The following ATP10A variants were observed in gnomAD, a reference collection of about 807,000 sequenced individuals.
ATP10A encodes ATPase phospholipid transporting 10A (putative), also known as phospholipid-transporting ATPase VA.
A neutral mutation model predicts 147.8 loss-of-function variants in ATP10A; 111 were observed. The ratio of observed to expected loss-of-function variants is 0.75; its 90% CI spans 0.64 to 0.88. The LOEUF (loss-of-function observed/expected upper bound fraction) is 0.88, where lower values mean the gene tolerates loss of function less well. Ranked by LOEUF, ATP10A falls within the 40% of genes least tolerant of loss-of-function variation. The pLI is 0.00. For missense variants in ATP10A, 1,927 were observed against 1,959.0 expected (o/e 0.98, Z 0.31); for synonymous variants, 875 against 841.6 (o/e 1.04, Z -0.69).
At chr15:25,768,376 A>G (rs1889140458) in intron 2 of ATP10A, among the ~76,000 whole-genome samples, 1 of 152,022 alleles carries the variant, frequency 6.6e-6, no homozygotes, top group Admixed American at 6.6e-5. Context: ...GTGCTTCCTG[A>G]TTCCTTCTAC....
chr15:25,740,527 A>T (rs1596796031), intron 2 of ATP10A, among the ~76,000 whole-genome samples: 2 of 152,336 alleles, frequency 1.3e-5, no homozygotes, highest in East Asian at 3.9e-4. Flanking sequence ...AAGACGTGGA[A>T]AACACACACA....
chr15:25,691,885 C>A, intron 14 of ATP10A, 94 bp from the exon 15 acceptor site: 1 of 1,487,410 alleles, frequency 6.7e-7, no homozygotes, highest in South Asian at 1.1e-5. Flanking sequence ...CCCCGCTGAA[C>A]TCAGTCCTGT....
chr15:25,818,955 C>G (rs1161262146), intron 1 of ATP10A, among the ~76,000 whole-genome samples: 1 of 152,096 alleles, frequency 6.6e-6, no homozygotes, highest in African/African-American at 2.4e-5. Flanking sequence ...AGACTTAACT[C>G]TAAGACCTGA....
chr15:25,841,794 G>A (rs1892824018), intron 1 of ATP10A: 2 of 152,120 alleles, frequency 1.3e-5, no homozygotes, highest in South Asian at 2.1e-4. Flanking sequence ...TTATATGTAA[G>A]TATTTTATTT....
chr15:25,741,911 A>T (rs1306954108), intron 2 of ATP10A, among the ~76,000 whole-genome samples: 1 of 152,242 alleles, frequency 6.6e-6, no homozygotes, highest in East Asian at 1.9e-4. Context: ...CACCGAACGT[A>T]CAAGGAAACT....
chr15:25,843,534 C>T (rs1892900163), intron 1 of ATP10A, among the ~76,000 whole-genome samples: 1 of 152,136 alleles, frequency 6.6e-6, no homozygotes, highest in Non-Finnish European at 1.5e-5. Flanking sequence ...AGGAATTCAT[C>T]ATTTGCATCC....
chr15:25,771,310 C>T (rs766186612), intron 2 of ATP10A, among the ~76,000 whole-genome samples: 5 of 152,150 alleles, frequency 3.3e-5, no homozygotes, highest in African/African-American at 7.2e-5. Context: ...CAGCTCACGC[C>T]TATAATCTCA....
chr15:25,730,914 C>T (rs950871955), intron 3 of ATP10A, among the ~76,000 whole-genome samples: 6 of 152,110 alleles, frequency 3.9e-5, no homozygotes, highest in Admixed American at 2.6e-4. Context: ...GGTGGCAAGG[C>T]GAAATTAAAA....
chr15:25,695,250 G>C (rs1051254220), intron 13 of ATP10A, 104 bp from the exon 14 acceptor site: 1 of 1,125,536 alleles, frequency 8.9e-7, no homozygotes, highest in Non-Finnish European at 1.3e-6. Flanking sequence ...CGGGCTCCAG[G>C]CTGCAGTACC....
At chr15:25,860,162 C>T (rs1893694059) in intron 1 of ATP10A, among the ~76,000 whole-genome samples, 1 of 152,152 alleles carries the variant, frequency 6.6e-6, no homozygotes, top group Admixed American at 6.6e-5. Context: ...ATGCTTCACC[C>T]CAGTGTACCC....
intron 12 of ATP10A, among the ~76,000 whole-genome samples, chr15:25,706,100 T>A (rs1900992343): frequency 6.6e-6 from 1 of 152,156 alleles, no homozygotes; most frequent in African/African-American, 2.4e-5. Context: ...CTTCACACAG[T>A]TGCCCAAGTA....
intron 1 of ATP10A, among the ~76,000 whole-genome samples, chr15:25,797,501 T>C (rs912092775): frequency 3.3e-5 from 5 of 150,344 alleles, no homozygotes; most frequent in Non-Finnish European, 7.4e-5. Context: ...TCTTCCTGAC[T>C]TTCTGCCACA....
At position 25,702,018 on chromosome 15, in the gene ATP10A, C is replaced by A. The variant is rs1456761840; in HGVS notation, c.2658G>T (p.Trp886Cys). 6 of 1,614,200 alleles carry A rather than the reference C, an allele frequency of 3.7e-6. No individual in the cohort carries two copies. In the South Asian group the frequency reaches 6.6e-5, roughly 18 times the overall value. The change falls in exon 13 of 21, where the codon TGG becomes TGT. Residue 886 changes from tryptophan to cysteine, a missense_variant. Coordinates refer to ENST00000555815, the MANE Select transcript of ATP10A (RefSeq NM_024490.4). ...SKLRQAGLQI[W>C]VLTGDKQETA... is the part of the protein sequence containing the mutation. ...TTTCTTGTTTGTCACCAGTGAGAAC[C>A]CAAATCTGCAGGCCCGCTTGACGCA...
intron 1 of ATP10A, among the ~76,000 whole-genome samples, chr15:25,804,434 TG>T (rs1182925182): frequency 7.5e-6 from 1 of 132,754 alleles, no homozygotes; most frequent in African/African-American, 3.5e-5. Context: ...TGTGTATGTG[TG>T]GTGTGTGTGT....
chr15:25,840,930 C>T (rs1892783913), intron 1 of ATP10A, among the ~76,000 whole-genome samples: 2 of 152,150 alleles, frequency 1.3e-5, no homozygotes, highest in Non-Finnish European at 2.9e-5. Flanking sequence ...TGCTTACTTG[C>T]CATCTGCATA....
At chr15:25,858,414 T>C (rs1411760135) in intron 1 of ATP10A, among the ~76,000 whole-genome samples, 1 of 151,910 alleles carries the variant, frequency 6.6e-6, no homozygotes, top group Admixed American at 6.6e-5. Context: ...GAGGCTCACC[T>C]GGAAGGGAAG....
intron 1 of ATP10A, among the ~76,000 whole-genome samples, chr15:25,800,391 T>C (rs1890882090): frequency 6.6e-6 from 1 of 152,144 alleles, no homozygotes; most frequent in Non-Finnish European, 1.5e-5. Flanking sequence ...GATATCCGCC[T>C]GTCCCCTGCT....
At chr15:25,854,946 G>C (rs1390768190) in intron 1 of ATP10A, among the ~76,000 whole-genome samples, 1 of 151,844 alleles carries the variant, frequency 6.6e-6, no homozygotes, top group Non-Finnish European at 1.5e-5. Flanking sequence ...TGTAATCCCA[G>C]CTATTCGGAG....
At position 25,860,151 on chromosome 15, in the gene ATP10A, G is replaced by A. The variant is rs559700951; in HGVS notation, c.449+2497C>T. 2.4e-4 allele frequency among the ~76,000 whole-genome samples: 37 copies of A among 152,238 alleles called. No homozygotes were observed. The East Asian group carries it at 5.4e-3, about 22-fold the overall frequency. On this transcript the variant is annotated intron_variant, in intron 1 of 20. Transcript: ENST00000555815. The stretch of plus-strand genomic sequence containing the variant: ...GTCCTGAGAGCCAGGGCTTCATGTC[G>A]ATGCTTCACCCCAGTGTACCCTAGA...
Sources: allele counts gnomAD v4.1 joint callset (sites outside exome capture counted in the v4.1 genomes callset), GRCh38; gene constraint gnomAD v4.1.1; transcripts MANE v1.5; gene names NCBI Gene and HGNC (gene_info 2026-07-23, HGNC 2026-07-21).